GRIN2A: variants seen among roughly 807,000 people sequenced by gnomAD.
GRIN2A encodes glutamate ionotropic receptor NMDA type subunit 2A.
In GRIN2A, 22 loss-of-function variants were observed where a neutral mutation model predicts 113.4. That is an observed-to-expected ratio of 0.19 (90% CI 0.14 to 0.28). GRIN2A has a LOEUF of 0.28. GRIN2A is among the 10% of genes least tolerant of loss of function. GRIN2A has a pLI of 1.00. For missense variants in GRIN2A, 1,502 were observed against 1,887.0 expected (o/e 0.80, Z 3.78); for synonymous variants, 827 against 738.4 (o/e 1.12, Z -1.94).
chr16:9,790,068 C>T (rs1218971758), intron 11 of GRIN2A, among the ~76,000 whole-genome samples: 2 of 152,200 alleles, frequency 1.3e-5, no homozygotes, highest in Non-Finnish European at 2.9e-5. Flanking sequence ...CATTGTTTCT[C>T]CTGTCTTGCC....
intron 2 of GRIN2A, among the ~76,000 whole-genome samples, chr16:10,077,823 C>T (rs2047904317): frequency 6.6e-6 from 1 of 152,174 alleles, no homozygotes; most frequent in African/African-American, 2.4e-5. Context: ...CCTTTGAAGC[C>T]TCTTTAGGGT....
chr16:10,015,211 C>T (rs960249886), intron 2 of GRIN2A, among the ~76,000 whole-genome samples: 3 of 123,550 alleles, frequency 2.4e-5, no homozygotes, highest in African/African-American at 9.5e-5. Flanking sequence ...TGAGATCGCA[C>T]CACCGCACTC....
At chr16:9,906,309 G>C (rs1478082915) in intron 3 of GRIN2A, among the ~76,000 whole-genome samples, 1 of 152,124 alleles carries the variant, frequency 6.6e-6, no homozygotes, top group Non-Finnish European at 1.5e-5. Context: ...TCCTGCATTG[G>C]AGCAAACCCA....
chr16:9,881,518 A>G (rs1247054587), intron 4 of GRIN2A, among the ~76,000 whole-genome samples: 2 of 152,232 alleles, frequency 1.3e-5, no homozygotes, highest in Non-Finnish European at 2.9e-5. Flanking sequence ...GACTTGAGGC[A>G]GGGCTAAGGC....
At chr16:10,120,931 G>A (rs986653063) in intron 2 of GRIN2A, among the ~76,000 whole-genome samples, 1 of 151,680 alleles carries the variant, frequency 6.6e-6, no homozygotes, top group Non-Finnish European at 1.5e-5. Flanking sequence ...CCTAACTTCA[G>A]CTCATTGTGG....
intron 2 of GRIN2A, among the ~76,000 whole-genome samples, chr16:10,014,219 G>T (rs1345923896): frequency 6.6e-6 from 1 of 152,142 alleles, no homozygotes. Context: ...CCAGTTTTTG[G>T]TCATTTTCAT....
intron 11 of GRIN2A, among the ~76,000 whole-genome samples, chr16:9,782,206 T>G (rs1367654977): frequency 6.6e-6 from 1 of 152,226 alleles, no homozygotes; most frequent in African/African-American, 2.4e-5. Flanking sequence ...AGACTTTTTT[T>G]TCTTGTCATT....
intron 2 of GRIN2A, among the ~76,000 whole-genome samples, chr16:10,163,888 T>C (rs990801876): frequency 1.3e-5 from 2 of 152,186 alleles, no homozygotes; most frequent in African/African-American, 4.8e-5. Flanking sequence ...TACAACCTTG[T>C]GGGGATTCAA....
At chr16:10,106,009 T>C (rs1042702421) in intron 2 of GRIN2A, among the ~76,000 whole-genome samples, 2 of 152,238 alleles carry the variant, frequency 1.3e-5, no homozygotes, top group East Asian at 3.8e-4. Flanking sequence ...TGTATAGATA[T>C]ATGTACAGTA....
chr16:9,797,458 G>A (rs979746712), intron 11 of GRIN2A, among the ~76,000 whole-genome samples: 6 of 152,220 alleles, frequency 3.9e-5, no homozygotes, highest in African/African-American at 1.2e-4. Flanking sequence ...CAGACAGGAG[G>A]AAATGCTTCT....
chr16:10,103,604 A>G (rs910229053), intron 2 of GRIN2A, among the ~76,000 whole-genome samples: 1 of 152,212 alleles, frequency 6.6e-6, no homozygotes, highest in Non-Finnish European at 1.5e-5. Context: ...ATAGATAAGA[A>G]TATCGCCAGA....
chr16:9,995,277 A>G (rs947287892), intron 2 of GRIN2A, among the ~76,000 whole-genome samples: 2 of 152,192 alleles, frequency 1.3e-5, no homozygotes, highest in Non-Finnish European at 2.9e-5. Flanking sequence ...CTAAGACACA[A>G]AGAGGTCAAA....
intron 2 of GRIN2A, among the ~76,000 whole-genome samples, chr16:10,056,711 G>C (rs7195982): frequency 0.52 from 79,649 of 151,868 alleles, 21,419 homozygotes; most frequent in East Asian, 0.88. Flanking sequence ...ACAGAGACTA[G>C]AATGATGTAC....
chr16:10,114,542 C>A (rs2048691205), intron 2 of GRIN2A, among the ~76,000 whole-genome samples: 1 of 152,120 alleles, frequency 6.6e-6, no homozygotes, highest in Non-Finnish European at 1.5e-5. Context: ...TTCTGTGTCC[C>A]CAGAAACCCG....
intron 2 of GRIN2A, among the ~76,000 whole-genome samples, chr16:10,072,684 T>C (rs1255273441): frequency 6.6e-6 from 1 of 152,192 alleles, no homozygotes; most frequent in Admixed American, 6.5e-5. Context: ...CCCCCTGACA[T>C]CAGAATCACC....
At chr16:9,880,812 C>T (rs1254396108) in intron 4 of GRIN2A, among the ~76,000 whole-genome samples, 1 of 152,212 alleles carries the variant, frequency 6.6e-6, no homozygotes, top group Non-Finnish European at 1.5e-5. Flanking sequence ...AACGAGAAAT[C>T]CTCCATACAA....
intron 2 of GRIN2A, among the ~76,000 whole-genome samples, chr16:10,050,668 A>G (rs1300002315): frequency 1.3e-5 from 2 of 152,104 alleles, no homozygotes; most frequent in African/African-American, 4.8e-5. Context: ...TTATAATGTA[A>G]TAATAGAAAT....
At chr16:10,149,649 C>A (rs924540087) in intron 2 of GRIN2A, among the ~76,000 whole-genome samples, 22 of 152,166 alleles carry the variant, frequency 1.4e-4, no homozygotes, top group Admixed American at 1.4e-3. Flanking sequence ...CCACCTCCAC[C>A]AGTACCTCCT....
chr16:10,118,310 C>G (rs1024711727), intron 2 of GRIN2A, among the ~76,000 whole-genome samples: 1 of 152,144 alleles, frequency 6.6e-6, no homozygotes, highest in Non-Finnish European at 1.5e-5. Context: ...AGACTCCTGT[C>G]ACTTATATCT....
Sources: allele counts gnomAD v4.1 joint callset (sites outside exome capture counted in the v4.1 genomes callset), GRCh38; gene constraint gnomAD v4.1.1; transcripts MANE v1.5; gene names NCBI Gene and HGNC (gene_info 2026-07-23, HGNC 2026-07-21).